SYT9: variants seen among roughly 807,000 people sequenced by gnomAD.
The protein encoded by SYT9 is synaptotagmin-9.
Under a neutral mutation model 48.4 loss-of-function variants are expected in SYT9, and 22 were observed. The ratio of observed to expected loss-of-function variants is 0.45; its 90% CI spans 0.32 to 0.65. The LOEUF (loss-of-function observed/expected upper bound fraction) is 0.65, where lower values mean the gene tolerates loss of function less well. Ranked by LOEUF, SYT9 falls within the 30% of genes least tolerant of loss-of-function variation. The pLI, the probability that SYT9 is intolerant of heterozygous loss-of-function variation, is 0.03. For synonymous variants in SYT9, 265 were observed against 245.0 expected, an observed-to-expected ratio of 1.08 and a Z score of -0.76; for missense variants, 577 against 622.0, an observed-to-expected ratio of 0.93 and a Z score of 0.77.
chr11:7,427,913 C>G (rs1847495440), intron 6 of SYT9: 1 of 152,148 alleles, frequency 6.6e-6, no homozygotes, highest in Middle Eastern at 3.2e-3. Flanking sequence ...GGCCAGAATG[C>G]TGTTTGGACA....
rs1849188263 is a variant in SYT9, at chr11:7,313,786, G to A, written c.889G>A (p.Asp297Asn). The change falls in exon 3 of 7, where the codon GAC (aspartate) becomes AAC (asparagine). Residue 297 changes from aspartate to asparagine, a missense_variant. Transcript: ENST00000318881. ...EVFLFPVPYNDLEARKLHFSV... is the reference protein window; with the variant it reads ...EVFLFPVPYNNLEARKLHFSV... ...GTTTTTATTTCCGGTTCCCTACAAT[G>A]ACCTTGAAGCACGGAAGCTTCACTT... The A allele has an allele frequency of 9.3e-6, 15 of 1,614,188 alleles. No individual in the cohort carries two copies. Among genetic ancestry groups the A allele is most frequent in the Non-Finnish European group, 1.3e-5 (15 of 1,180,028 alleles).
intron 4 of SYT9, among the ~76,000 whole-genome samples, chr11:7,417,460 G>C (rs1438300440): frequency 6.6e-6 from 1 of 152,042 alleles, no homozygotes; most frequent in Admixed American, 6.6e-5. Context: ...CCAAGGGCAG[G>C]CCACTCTAGG....
intron 6 of SYT9, among the ~76,000 whole-genome samples, chr11:7,424,860 C>G (rs1320203437): frequency 1.3e-5 from 2 of 152,190 alleles, no homozygotes; most frequent in Non-Finnish European, 2.9e-5. Context: ...CTGGGACCAG[C>G]TCATTGAGCC....
At chr11:7,363,219 G>T (rs1240016812) in intron 3 of SYT9, among the ~76,000 whole-genome samples, 1 of 151,760 alleles carries the variant, frequency 6.6e-6, no homozygotes, top group East Asian at 1.9e-4. Context: ...ACTACAGAAT[G>T]ACTTCACTGG....
chr11:7,425,855 TC>T (rs533048553), intron 6 of SYT9, among the ~76,000 whole-genome samples: 6 of 151,782 alleles, frequency 4.0e-5, no homozygotes, highest in African/African-American at 7.3e-5. Flanking sequence ...GATGAGGTGC[TC>T]CCCCCCAATA....
intron 1 of SYT9, among the ~76,000 whole-genome samples, chr11:7,263,615 T>A (rs1190046847): frequency 1.3e-5 from 2 of 152,100 alleles, no homozygotes; most frequent in Non-Finnish European, 2.9e-5. Flanking sequence ...AAGAACATGA[T>A]GGCTTGGAAA....
At chr11:7,283,698 T>C (rs1848546070) in intron 1 of SYT9, among the ~76,000 whole-genome samples, 1 of 152,190 alleles carries the variant, frequency 6.6e-6, no homozygotes, top group Non-Finnish European at 1.5e-5. Context: ...AGTACAGTGG[T>C]TAAGAGTAGC....
At chr11:7,251,177 G>C (rs112060157), upstream of SYT9, among the ~76,000 whole-genome samples, 95 of 151,638 alleles carry the variant, frequency 6.3e-4, no homozygotes, top group African/African-American at 2.3e-3. Context: ...TGCTTGAAAG[G>C]CTGAAAAGAT....
At chr11:7,250,550 C>T (rs548703485), upstream of SYT9, among the ~76,000 whole-genome samples, 332 of 150,098 alleles carry the variant, frequency 2.2e-3, 2 homozygotes, top group South Asian at 0.02. Context: ...ACAGCATCTG[C>T]TCAACCTCCC....
chr11:7,244,122 C>T (rs530329473), intron 1 of SYT9, among the ~76,000 whole-genome samples: 53 of 152,262 alleles, frequency 3.5e-4, no homozygotes, highest in South Asian at 1.2e-3. Flanking sequence ...GGCCCTCCGA[C>T]CTGGAACATG....
intron 2 of SYT9, among the ~76,000 whole-genome samples, chr11:7,311,474 G>A (rs1849132892): frequency 1.3e-5 from 2 of 152,228 alleles, no homozygotes; most frequent in African/African-American, 4.8e-5. Context: ...GAGCAGCAGA[G>A]TGACAGGGCC....
intron 3 of SYT9, among the ~76,000 whole-genome samples, chr11:7,413,423 CTGTGCAATTT>C: frequency 6.6e-6 from 1 of 152,308 alleles, no homozygotes; most frequent in South Asian, 2.1e-4. Flanking sequence ...AGCAATACCA[CTGTGCAATTT>C]CTAGGCAGCT....
intron 1 of SYT9, among the ~76,000 whole-genome samples, chr11:7,246,259 T>C (rs1236326311): frequency 3.9e-5 from 6 of 152,198 alleles, no homozygotes; most frequent in Non-Finnish European, 7.3e-5. Flanking sequence ...CTTACCCCCA[T>C]GTGCTGTAAA....
intron 6 of SYT9, among the ~76,000 whole-genome samples, chr11:7,422,325 GCCTAGGACCC>G (rs1847371549): frequency 1.3e-5 from 2 of 152,296 alleles, no homozygotes; most frequent in East Asian, 3.9e-4. Flanking sequence ...TTCAAGAAGA[GCCTAGGACCC>G]CCTAATTTGC....
intron 3 of SYT9, among the ~76,000 whole-genome samples, chr11:7,382,426 T>A (rs1461738895): frequency 1.3e-5 from 2 of 152,170 alleles, no homozygotes; most frequent in Non-Finnish European, 2.9e-5. Context: ...GAGAGGAATT[T>A]TTTTTTTCCA....
intron 3 of SYT9, among the ~76,000 whole-genome samples, chr11:7,391,401 G>A (rs917432023): frequency 5.3e-5 from 8 of 152,066 alleles, no homozygotes; most frequent in African/African-American, 1.9e-4. Context: ...TACACTGGCT[G>A]AACTAATTTA....
At chr11:7,337,147 G>C (rs898370714) in intron 3 of SYT9, among the ~76,000 whole-genome samples, 1 of 152,004 alleles carries the variant, frequency 6.6e-6, no homozygotes, top group Non-Finnish European at 1.5e-5. Flanking sequence ...CTCTCGGCTT[G>C]GCTGTTGCTG....
intron 1 of SYT9, among the ~76,000 whole-genome samples, chr11:7,272,370 CTT>C (rs1324850626): frequency 6.6e-6 from 1 of 152,186 alleles, no homozygotes; most frequent in Non-Finnish European, 1.5e-5. Flanking sequence ...CCATTAATCT[CTT>C]TTCTTTTCCT....
At chr11:7,417,553 T>C (rs1358343665) in intron 4 of SYT9, among the ~76,000 whole-genome samples, 7 of 152,292 alleles carry the variant, frequency 4.6e-5, no homozygotes, top group African/African-American at 1.7e-4. Flanking sequence ...AGTCTAGGAA[T>C]TCCCTTTCTT....
Sources: gnomAD v4.1 joint callset for allele counts (sites outside exome capture counted in the v4.1 genomes callset) on GRCh38, gnomAD v4.1.1 for gene constraint, MANE v1.5 for transcripts, NCBI Gene and HGNC (gene_info 2026-07-23, HGNC 2026-07-21) for gene names.